The following RANBP17 variants were observed in gnomAD, a reference collection of about 807,000 sequenced individuals.
The protein encoded by RANBP17 is RAN binding protein 17.
Under a neutral mutation model 141.2 loss-of-function variants are expected in RANBP17, and 158 were observed. The observed-to-expected ratio is 1.12, with a 90% CI of 0.98 to 1.28. RANBP17 has a LOEUF of 1.28. RANBP17 is among the 50% of genes most tolerant of loss of function. The pLI is 0.00. For synonymous variants in RANBP17, 430 were observed against 450.0 expected, an observed-to-expected ratio of 0.96 and a Z score of 0.56; for missense variants, 1,438 against 1,290.7, an observed-to-expected ratio of 1.11 and a Z score of -1.75.
chr5:170,904,875 C>A lies in RANBP17; in HGVS notation c.490-4786C>A, dbSNP rs144449782. 1.1e-4 allele frequency among the ~76,000 whole-genome samples: 16 copies of A among 152,224 alleles called. No homozygotes were observed. The East Asian group carries it at 3.1e-3, about 29-fold the overall frequency. On this transcript the variant is annotated intron_variant, in intron 5 of 27. Coordinates refer to ENST00000523189, the MANE Select transcript of RANBP17 (RefSeq NM_022897.5). ...AAAGTAGGTACTGGGAATAGAAGAA[C>A]ATAATATAAATATTTCTGTGTAATA...
chr5:171,045,817 GATAA>G (rs893913207), intron 14 of RANBP17, among the ~76,000 whole-genome samples: 24 of 152,152 alleles, frequency 1.6e-4, no homozygotes, highest in African/African-American at 4.3e-4. Flanking sequence ...TGTCCCCTGA[GATAA>G]ATAAATAAAC....
chr5:171,088,692 T>A (rs1006519973), intron 14 of RANBP17, among the ~76,000 whole-genome samples: 1 of 152,130 alleles, frequency 6.6e-6, no homozygotes, highest in Non-Finnish European at 1.5e-5. Flanking sequence ...AAACTTCCCT[T>A]CTCGCTTGAT....
At chr5:171,083,083 C>T (rs1274467390) in intron 14 of RANBP17, among the ~76,000 whole-genome samples, 1 of 152,066 alleles carries the variant, frequency 6.6e-6, no homozygotes, top group Non-Finnish European at 1.5e-5. Flanking sequence ...TCTTGTTTGA[C>T]TTTGAACTTT....
chr5:171,103,429 G>T (rs1466510142), intron 14 of RANBP17, among the ~76,000 whole-genome samples: 2 of 152,132 alleles, frequency 1.3e-5, no homozygotes, highest in Admixed American at 6.5e-5. Context: ...TCAAGCCTTG[G>T]TAATGGTGGA....
At chr5:171,171,698 C>T (rs1162888042) in intron 16 of RANBP17, among the ~76,000 whole-genome samples, 2 of 151,860 alleles carry the variant, frequency 1.3e-5, no homozygotes, top group African/African-American at 4.8e-5. Flanking sequence ...AAACTGCATT[C>T]CTGTGAGTAA....
chr5:171,000,654 A>C (rs999144782), intron 14 of RANBP17, among the ~76,000 whole-genome samples: 6 of 152,196 alleles, frequency 3.9e-5, no homozygotes, highest in Non-Finnish European at 2.9e-5. Flanking sequence ...ATCTGGGTGC[A>C]GGCGGGCTGA....
intron 24 of RANBP17, chr5:171,251,939 G>T: frequency 4.4e-6 from 7 of 1,608,404 alleles, no homozygotes; most frequent in Non-Finnish European, 6.0e-6. Flanking sequence ...GGATTAGTCA[G>T]TTTTGGGAAT....
chr5:170,913,972 G>A (rs1189859806), intron 7 of RANBP17, among the ~76,000 whole-genome samples, 195 bp from the exon 8 acceptor site: 1 of 152,094 alleles, frequency 6.6e-6, no homozygotes, highest in African/African-American at 2.4e-5. Flanking sequence ...ACATGAGGAA[G>A]AGCCTGGCTA....
chr5:171,274,147 TGTGC>T (rs1410054396), intron 25 of RANBP17, among the ~76,000 whole-genome samples: 11,926 of 122,530 alleles, frequency 0.097, 446 homozygotes, highest in Middle Eastern at 0.16. Context: ...TGTGTGTGTG[TGTGC>T]GCGCGCGCGC....
At chr5:171,248,650 C>T (rs1765373750) in intron 24 of RANBP17, among the ~76,000 whole-genome samples, 1 of 152,210 alleles carries the variant, frequency 6.6e-6, no homozygotes, top group African/African-American at 2.4e-5. Context: ...TGCTGGGTCA[C>T]TCACCCTTCC....
At chr5:171,284,548 A>C (rs943778833) in intron 25 of RANBP17, 2 of 151,888 alleles carry the variant, frequency 1.3e-5, no homozygotes, top group African/African-American at 4.8e-5. Flanking sequence ...CTGGTCTCGA[A>C]CTCCTGAACT....
At position 170,892,485 on chromosome 5, in the gene RANBP17, T is replaced by C; in HGVS notation, c.355T>C (p.Trp119Arg). Residue 119 changes from tryptophan to arginine, a missense_variant, in exon 4 of 28, where the codon TGG becomes CGG. Transcript: ENST00000523189. Reference protein sequence around the residue: ...QVIAKITKLGWFEVQKDQFVF... With the variant: ...QVIAKITKLGRFEVQKDQFVF... The stretch of plus-strand genomic sequence containing the variant: ...CATTGCTAAAATCACTAAGTTGGGG[T>C]GGTTTGAGGTTCAGAAAGACCAATT... The C allele has an allele frequency of 6.2e-7, 1 of 1,613,876 alleles. No individual in the cohort carries two copies. The highest frequency in any genetic ancestry group is 1.3e-5 in the African/African-American group (1 of 74,960).
chr5:170,898,423 T>G (rs1770326010), intron 5 of RANBP17, among the ~76,000 whole-genome samples: 1 of 152,194 alleles, frequency 6.6e-6, no homozygotes, highest in African/African-American at 2.4e-5. Flanking sequence ...ATTCTGGGTA[T>G]TAGCCCTTTG....
chr5:171,255,807 T>C (rs1581129360), intron 24 of RANBP17, among the ~76,000 whole-genome samples: 1 of 152,192 alleles, frequency 6.6e-6, no homozygotes, highest in Non-Finnish European at 1.5e-5. Flanking sequence ...GGTGGCTGAT[T>C]GCTGTGTAAC....
At chr5:170,906,455 G>T (rs1187579883) in intron 5 of RANBP17, among the ~76,000 whole-genome samples, 1 of 151,768 alleles carries the variant, frequency 6.6e-6, no homozygotes, top group Admixed American at 6.6e-5. Context: ...CCATCTCCTT[G>T]CCTCCTATCA....
At chr5:170,949,167 G>T (rs893255737) in intron 12 of RANBP17, among the ~76,000 whole-genome samples, 1 of 152,032 alleles carries the variant, frequency 6.6e-6, no homozygotes, top group African/African-American at 2.4e-5. Flanking sequence ...CTATTTCTTA[G>T]ATATGACACC....
At chr5:171,240,072 G>T (rs1379650652) in intron 22 of RANBP17, among the ~76,000 whole-genome samples, 2 of 152,198 alleles carry the variant, frequency 1.3e-5, no homozygotes, top group East Asian at 3.9e-4. Context: ...TCTAAATTTT[G>T]TAAATTGAAT....
Position 170,896,061 on chromosome 5 carries a change from A to C in RANBP17, c.435A>C (p.Glu145Asp). 6.2e-7 allele frequency: 1 copy of C among 1,605,154 alleles called. No homozygotes were observed. The highest frequency in any genetic ancestry group is 8.5e-7 in the Non-Finnish European group (1 of 1,175,904). ...DVKKFLQGTV[E>D]HCIIGVIILS... ...TATTTTCTCCAAAGGGTACTGTGGA[A>C]CACTGCATAATAGGAGTAATAATCC... The change falls in exon 5 of 28, where the codon GAA becomes GAC. Residue 145 changes from glutamate (E) to aspartate (D), a missense_variant. Transcript: ENST00000523189.
rs779896311 is a variant in RANBP17, at chr5:170,950,388, CA to C, written c.1469-3199del. Among the ~76,000 whole-genome samples, 380 of 145,492 alleles carry C rather than the reference CA, an allele frequency of 2.6e-3. 8 individuals are homozygous for C. The East Asian group carries it at 0.042, about 16-fold the overall frequency. ...CAAATAACAGTAAAAAAAACAAAAACAAAAAAAAAATAACTCAAATAAGTGG... is the reference window on the plus strand; with the variant it reads ...CAAATAACAGTAAAAAAAACAAAAACAAAAAAAAATAACTCAAATAAGTGG... On this transcript the variant is annotated intron_variant, in intron 12 of 27. Coordinates refer to ENST00000523189, the MANE Select transcript of RANBP17 (RefSeq NM_022897.5).
Sources: gnomAD v4.1 joint callset for allele counts (sites outside exome capture counted in the v4.1 genomes callset) on GRCh38, gnomAD v4.1.1 for gene constraint, MANE v1.5 for transcripts, NCBI Gene and HGNC (gene_info 2026-07-23, HGNC 2026-07-21) for gene names.